Variants in GFI1 observed in about 807,000 individuals in gnomAD.
GFI1 encodes the protein zinc finger protein Gfi-1.
Under a neutral mutation model 39.2 loss-of-function variants are expected in GFI1, and 15 were observed. The observed-to-expected ratio is 0.38, with a 90% CI of 0.26 to 0.59. The LOEUF (loss-of-function observed/expected upper bound fraction) is 0.59. Ranked by LOEUF, GFI1 falls within the 20% of genes least tolerant of loss-of-function variation. GFI1 has a pLI of 0.62. For synonymous variants in GFI1, 239 were observed against 254.3 expected (o/e 0.94, Z 0.57); for missense variants, 475 against 574.0 (o/e 0.83, Z 1.76).
Position 92,482,814 on chromosome 1 carries a change from C to A in GFI1, c.298+50G>T, listed in dbSNP as rs1658326622. 1.4e-6 allele frequency: 2 copies of A among 1,473,212 alleles called. No homozygotes were observed. The allele number at this position is 1,473,212 out of a possible 1,614,324, so 91.3% of individuals were successfully genotyped here. A position where few individuals can be genotyped will look rare whatever the true frequency, so the allele number is the denominator to read the frequency against. On this transcript the variant is annotated intron_variant, in intron 3 of 6. Transcript: ENST00000294702. The surrounding 1 kb of genome is among the most constrained non-coding windows in gnomAD (Gnocchi z 4.4). The stretch of plus-strand genomic sequence containing the variant: ...AGGTCGCGCCAATTCCCCCCCAGCA[C>A]TGCCGGGTCCCTGCAGCTCCCGCCC...
chr1:92,483,611 G>A, intron 1 of GFI1, 25 bp from the exon 2 acceptor site: 2 of 711,562 alleles, frequency 2.8e-6, no homozygotes, highest in Non-Finnish European at 5.1e-6. Flanking sequence ...AAACCAGGTG[G>A]AGACGTGGGT....
chr1:92,484,812 CG>C lies in GFI1; in HGVS notation c.-99-1227del, dbSNP rs1456157166. 6.6e-6 allele frequency: 1 copy of C among 152,288 alleles called. No homozygotes were observed. Among genetic ancestry groups the C allele is most frequent in the Non-Finnish European group, 1.5e-5 (1 of 68,126 alleles). 9.4% of individuals were successfully genotyped at this position (152,288 alleles called of 1,614,324 possible). ...CTCCCGGGGTGAAGGCGATGGTGACCGGGTTCACACGTGAGCTGCAGTACAG... is the reference window on the plus strand; with the variant it reads ...CTCCCGGGGTGAAGGCGATGGTGACCGGTTCACACGTGAGCTGCAGTACAG... On this transcript the variant is annotated intron_variant, in intron 1 of 6. Transcript: ENST00000294702. This position sits in a 1 kb window ranked among gnomAD's most constrained non-coding sequence, Gnocchi z 4.1.
chr1:92,474,155 A>T lies in GFI1; in HGVS notation c.*1874T>A, dbSNP rs1657849671. Among the ~76,000 whole-genome samples the T allele has an allele frequency of 6.6e-6, 1 of 152,250 alleles. No homozygotes were observed. The highest frequency in any genetic ancestry group is 2.1e-4 in the South Asian group (1 of 4,834). ...CCACAGGTGGGACAGAACCAGAAAT[A>T]ACCCAGATCCTCATGGGCCTTTAGA... On this transcript the variant is annotated 3_prime_UTR_variant, in exon 7 of 7. Coordinates refer to ENST00000294702, the MANE Select transcript of GFI1 (RefSeq NM_005263.5).
chr1:92,481,219 A>T lies in GFI1; in HGVS notation c.299-131T>A. The T allele has an allele frequency of 1.2e-6, 1 of 838,794 alleles. No individual in the cohort carries two copies. Among genetic ancestry groups the T allele is most frequent in the Non-Finnish European group, 1.9e-6 (1 of 515,144 alleles). 52.0% of individuals were successfully genotyped at this position (838,794 alleles called of 1,614,324 possible). ...GCGCTTGTAGAACACTGCGTGCGCC[A>T]GGTGCCAGGCTCGCCCCAGGGTAAA... On this transcript the variant is annotated intron_variant, in intron 3 of 6. Coordinates refer to ENST00000294702, the MANE Select transcript of GFI1 (RefSeq NM_005263.5). The surrounding 1 kb of genome is among the most constrained non-coding windows in gnomAD (Gnocchi z 4.3).
At chr1:92,483,148 C>G (rs1436576252) in intron 2 of GFI1, 102 bp from the exon 3 acceptor site, 1 of 1,103,738 alleles carries the variant, frequency 9.1e-7, no homozygotes, top group Non-Finnish European at 1.3e-6. Context: ...GAGCGTCTTC[C>G]CCTCTCCACC....
chr1:92,476,543 G>A (rs1657989066), intron 6 of GFI1, among the ~76,000 whole-genome samples: 3 of 152,174 alleles, frequency 2.0e-5, no homozygotes, highest in African/African-American at 4.8e-5. Flanking sequence ...GACTTTATAA[G>A]CCATGAACAC....
At position 92,480,710 on chromosome 1, in the gene GFI1, C is replaced by T. The variant is rs1658192200; in HGVS notation, c.677G>A (p.Gly226Asp). The T allele has an allele frequency of 1.3e-6, 2 of 1,595,854 alleles. No individual in the cohort carries two copies. Among genetic ancestry groups the T allele is most frequent in the African/African-American group, 1.3e-5 (1 of 74,850 alleles). The change falls in exon 4 of 7, where the codon GGC becomes GAC. Residue 226 changes from glycine to aspartate, a missense_variant. Gly to Asp is a moderately conservative substitution (Grantham distance 94, BLOSUM62 -1). This residue lies in a region of GFI1 where 79 missense variants were observed against 68.4 expected (regional missense o/e 1.15). Coordinates refer to ENST00000294702, the MANE Select transcript of GFI1 (RefSeq NM_005263.5). The surrounding 1 kb of genome is among the most constrained non-coding windows in gnomAD (Gnocchi z 5.6). ...AAAGLLYPER[G>D]HGLHADKGAG... ...GCCCTTGTCTGCGTGCAGCCCGTGG[C>T]CACGCTCGGGGTACAGCAAGCCCGC...
chr1:92,480,473 G>T lies in GFI1; in HGVS notation c.799C>A (p.Pro267Thr). 6.5e-7 allele frequency: 1 copy of T among 1,550,172 alleles called. No homozygotes were observed. The highest frequency in any genetic ancestry group is 1.2e-5 in the South Asian group (1 of 84,050). ...CIKCSKVFST[P>T]HGLEVHVRRS... ...CGCACGTGCACCTCGAGCCCGTGCG[G>T]CGTGGAGAACACCTAAGGCGGGTGG... Residue 267 changes from proline to threonine, a missense_variant, in exon 5 of 7, where the codon CCG (proline) becomes ACG (threonine). Coordinates refer to ENST00000294702, the MANE Select transcript of GFI1 (RefSeq NM_005263.5). This position sits in a 1 kb window ranked among gnomAD's most constrained non-coding sequence, Gnocchi z 5.6.
At chr1:92,483,653 C>A in intron 1 of GFI1, 67 bp from the exon 2 acceptor site, 2 of 675,716 alleles carry the variant, frequency 3.0e-6, no homozygotes, top group East Asian at 5.5e-5. Flanking sequence ...ACTGGGCACC[C>A]AGGCGGAGGG....
Position 92,482,764 on chromosome 1 carries a change from C to A in GFI1, c.298+100G>T. On this transcript the variant is annotated intron_variant, in intron 3 of 6. Transcript: ENST00000294702. The surrounding 1 kb of genome is among the most constrained non-coding windows in gnomAD (Gnocchi z 4.4). ...CCCTTCTCCCGGAAAGACTCTCCAA[C>A]TCCCCGTTAGCATTTCTACGCCCAA... 1.1e-6 allele frequency: 1 copy of A among 921,492 alleles called. No individual in the cohort carries two copies. Among genetic ancestry groups the A allele is most frequent in the African/African-American group, 1.6e-5 (1 of 62,056 alleles). 57.1% of individuals were successfully genotyped at this position (921,492 alleles called of 1,614,324 possible).
chr1:92,479,788 G>A (rs1206309569), intron 5 of GFI1, among the ~76,000 whole-genome samples: 1 of 152,168 alleles, frequency 6.6e-6, no homozygotes, highest in African/African-American at 2.4e-5. Context: ...GACAGGGGGA[G>A]GTTGCAGTGA....
At position 92,475,935 on chromosome 1, in the gene GFI1, G is replaced by C; in HGVS notation, c.*94C>G. 1 of 1,198,766 alleles carries C rather than the reference G, an allele frequency of 8.3e-7. No individual in the cohort carries two copies. The highest frequency in any genetic ancestry group is 1.2e-6 in the Non-Finnish European group (1 of 823,966). 74.3% of individuals were successfully genotyped at this position (1,198,766 alleles called of 1,614,324 possible). A position where few individuals can be genotyped will look rare whatever the true frequency, so the allele number is the denominator to read the frequency against. On this transcript the variant is annotated 3_prime_UTR_variant, in exon 7 of 7. Transcript: ENST00000294702. ...GGACCTGGGGTCTGGAAAGTCAGAA[G>C]GGAGTGGAGGCAAGCAGGGAGCAGA...
chr1:92,475,027 A>G lies in GFI1; in HGVS notation c.*1002T>C, dbSNP rs1657890171. On this transcript the variant is annotated 3_prime_UTR_variant, in exon 7 of 7. Transcript: ENST00000294702. ...ACACATATCTTTGAAGTAACTGTTC[A>G]GCTTTTTGTTTACACCTGATAAAAT... 6.6e-6 allele frequency: 1 copy of G among 152,242 alleles called. No individual in the cohort carries two copies. Among genetic ancestry groups the G allele is most frequent in the Non-Finnish European group, 1.5e-5 (1 of 68,048 alleles). The allele number at this position is 152,242 out of a possible 1,614,324, so 9.4% of individuals were successfully genotyped here.
In GFI1 at chr1:92,483,456, T is replaced by A; in HGVS notation, c.32A>T (p.Lys11Met). The A allele has an allele frequency of 6.2e-7, 1 of 1,612,070 alleles. No individual in the cohort carries two copies. Among genetic ancestry groups the A allele is most frequent in the Non-Finnish European group, 8.5e-7 (1 of 1,178,348 alleles). ...GCGCGGCTGGTGGTAGCTGTGAGCC[T>A]TCTTGCTTTTGACGAGAAATGAGCG... MPRSFLVKSK[K>M]AHSYHQPRSP... Residue 11 changes from lysine (K) to methionine (M), a missense_variant, in exon 2 of 7, where the codon AAG (lysine) becomes ATG (methionine). Lys to Met is a moderately conservative substitution (Grantham distance 95). Transcript: ENST00000294702.
intron 1 of GFI1, among the ~76,000 whole-genome samples, chr1:92,486,422 C>A (rs1230289734): frequency 6.6e-6 from 1 of 152,142 alleles, no homozygotes; most frequent in Admixed American, 6.5e-5. Context: ...ACTTCCGCAG[C>A]GAGAGAAGCC....
Position 92,483,499 on chromosome 1 carries a change from A to T in GFI1, c.-12T>A, listed in dbSNP as rs376535724. Reference sequence around the variant, plus strand: ...AATGAGCGCGGCATGGTGGTCCGGCACTTTCCCCACTGCGCCCCAAGAGTC... The same window carrying T: ...AATGAGCGCGGCATGGTGGTCCGGCTCTTTCCCCACTGCGCCCCAAGAGTC... On this transcript the variant is annotated 5_prime_UTR_variant, in exon 2 of 7. Coordinates refer to ENST00000294702, the MANE Select transcript of GFI1 (RefSeq NM_005263.5). 1.3e-6 allele frequency: 2 copies of T among 1,483,304 alleles called. No individual in the cohort carries two copies. Among genetic ancestry groups the T allele is most frequent in the African/African-American group, 2.8e-5 (2 of 72,196 alleles). The allele number at this position is 1,483,304 out of a possible 1,614,324, so 91.9% of individuals were successfully genotyped here. A position where few individuals can be genotyped will look rare whatever the true frequency, so the allele number is the denominator to read the frequency against.
At position 92,480,935 on chromosome 1, in the gene GFI1, A is replaced by G; in HGVS notation, c.452T>C (p.Leu151Pro). ...CGGGGCGGGTTCGCAGAAGAGGCCC[A>G]GGCCAGCGCCACGCTCCAGGGCCCC... is the stretch of plus-strand genomic sequence containing the variant. ...PCGALERGAG[L>P]GLFCEPAPEP... Residue 151 changes from leucine (L) to proline (P), a missense_variant, in exon 4 of 7, where the codon CTG becomes CCG. Physicochemically the swap from Leu to Pro is moderately conservative, Grantham distance 98 (BLOSUM62 -3). This residue lies in a region of GFI1 where 275 missense variants were observed against 275.8 expected (regional missense o/e 1.00). Coordinates refer to ENST00000294702, the MANE Select transcript of GFI1 (RefSeq NM_005263.5). This position sits in a 1 kb window ranked among gnomAD's most constrained non-coding sequence, Gnocchi z 5.6. The G allele has an allele frequency of 1.3e-6, 2 of 1,570,442 alleles. No homozygotes were observed. Among genetic ancestry groups the G allele is most frequent in the Non-Finnish European group, 1.7e-6 (2 of 1,158,836 alleles).
chr1:92,477,384 T>C (rs1407784151), intron 6 of GFI1, among the ~76,000 whole-genome samples: 1 of 152,234 alleles, frequency 6.6e-6, no homozygotes, highest in Non-Finnish European at 1.5e-5. Flanking sequence ...TAGAATACTT[T>C]TCTGGGTTTT....
rs747215489 is a variant in GFI1 at position 92,482,802 on chromosome 1, T to C, written c.298+62A>G. 7.5e-7 allele frequency: 1 copy of C among 1,342,078 alleles called. No homozygotes were observed. Among genetic ancestry groups the C allele is most frequent in the Non-Finnish European group, 1.1e-6 (1 of 934,580 alleles). 83.1% of individuals were successfully genotyped at this position (1,342,078 alleles called of 1,614,324 possible). A position where few individuals can be genotyped will look rare whatever the true frequency, so the allele number is the denominator to read the frequency against. ...TTTCTACGCCCAAGGTCGCGCCAAT[T>C]CCCCCCCAGCACTGCCGGGTCCCTG... On this transcript the variant is annotated intron_variant, in intron 3 of 6. Transcript: ENST00000294702. The surrounding 1 kb of genome is among the most constrained non-coding windows in gnomAD (Gnocchi z 4.4).
Sources: gnomAD v4.1 joint callset for allele counts (sites outside exome capture counted in the v4.1 genomes callset) on GRCh38, gnomAD v4.1.1 for gene constraint, gnomAD v4.1.1 regional missense constraint, Gnocchi (gnomAD v3.1) non-coding constraint, MANE v1.5 for transcripts, NCBI Gene and HGNC (gene_info 2026-07-23, HGNC 2026-07-21) for gene names.